Variants in TRIO observed in about 807,000 individuals in gnomAD.
The protein encoded by TRIO is trio Rho guanine nucleotide exchange factor, also known as triple functional domain protein.
TRIO carries 58 observed loss-of-function variants against 351.9 expected under a neutral mutation model. The observed-to-expected ratio is 0.16, with a 90% CI of 0.13 to 0.21. The LOEUF (loss-of-function observed/expected upper bound fraction) is 0.21. TRIO is among the 10% of genes least tolerant of loss of function. The pLI is 1.00. For missense variants in TRIO, 3,201 were observed against 4,027.8 expected, an observed-to-expected ratio of 0.79 and a Z score of 5.56; for synonymous variants, 1,758 against 1,595.7, an observed-to-expected ratio of 1.10 and a Z score of -2.42.
chr5:14,335,022 C>CGTGTGT lies in TRIO; in HGVS notation c.1855-1499_1855-1494dup, dbSNP rs144645388. 6.4e-3 allele frequency among the ~76,000 whole-genome samples: 963 copies of CGTGTGT among 150,586 alleles called. 13 individuals carry two copies. Among genetic ancestry groups the CGTGTGT allele is most frequent in the African/African-American group, 0.022 (913 of 41,148 alleles). ...TGAAAGCTGCTTTTTAGATCTGTCT[C>CGTGTGT]GTGTGTGTGTGTGTGTGTGTACACA... On this transcript the variant is annotated intron_variant, in intron 10 of 56. Transcript: ENST00000344204.
At chr5:14,309,345 T>G (rs1738705503) in intron 8 of TRIO, among the ~76,000 whole-genome samples, 3 of 152,168 alleles carry the variant, frequency 2.0e-5, no homozygotes, top group Non-Finnish European at 4.4e-5. Context: ...GTCTGGGTTC[T>G]CCACCTCCAA....
At chr5:14,168,269 T>C (rs1788894260) in intron 1 of TRIO, among the ~76,000 whole-genome samples, 1 of 152,240 alleles carries the variant, frequency 6.6e-6, no homozygotes, top group South Asian at 2.1e-4. Context: ...ATGCCACGTG[T>C]TTAATTCATG....
In TRIO at chr5:14,178,592, C is replaced by G. The variant is rs528948953; in HGVS notation, c.157+34710C>G. Among the ~76,000 whole-genome samples, 3 of 152,306 alleles carry G rather than the reference C, an allele frequency of 2.0e-5. No individual in the cohort carries two copies. The East Asian group carries it at 5.8e-4, about 29-fold the overall frequency. ...ATTATTCTAGAACAGTAGGGGTAAA[C>G]TGAGACTGTGTCTGTCAAGCTAGGA... On this transcript the variant is annotated intron_variant, in intron 1 of 56. Transcript: ENST00000344204.
rs1019980844 is a variant in TRIO, at chr5:14,460,960, G to A, written c.5204-59G>A. On this transcript the variant is annotated intron_variant, in intron 34 of 56. Coordinates refer to ENST00000344204, the MANE Select transcript of TRIO (RefSeq NM_007118.4). ...CTGCAGCCTGCGGGATAATGGCATG[G>A]TCTTCACACCGGAGGGTCTGTGCGA... is the stretch of plus-strand genomic sequence containing the variant. 8 of 1,454,728 alleles carry A rather than the reference G, an allele frequency of 5.5e-6. No individual in the cohort carries two copies. The African/African-American group carries it at 1.0e-4, about 18-fold the overall frequency. 90.1% of individuals were successfully genotyped at this position (1,454,728 alleles called of 1,614,324 possible).
At chr5:14,492,468 GT>G in intron 48 of TRIO, 98 bp from the exon 49 acceptor site, 1 of 1,534,900 alleles carries the variant, frequency 6.5e-7, no homozygotes, top group Non-Finnish European at 8.8e-7. Flanking sequence ...CCTGCACGGG[GT>G]CATGGTGCCA....
At chr5:14,176,568 C>T (rs1372170364) in intron 1 of TRIO, among the ~76,000 whole-genome samples, 3 of 152,198 alleles carry the variant, frequency 2.0e-5, no homozygotes, top group Admixed American at 6.5e-5. Flanking sequence ...GTCCTCCTAC[C>T]TCAGCCTCCC....
intron 37 of TRIO, among the ~76,000 whole-genome samples, chr5:14,469,820 C>G (rs1011326334): frequency 6.6e-6 from 1 of 152,234 alleles, no homozygotes; most frequent in Non-Finnish European, 1.5e-5. Context: ...TCCCCATGGA[C>G]ACTGATGAAG....
chr5:14,280,172 C>T, intron 2 of TRIO, 150 bp from the exon 3 acceptor site: 1 of 677,790 alleles, frequency 1.5e-6, no homozygotes, highest in Non-Finnish European at 2.6e-6. Flanking sequence ...GATGACATGT[C>T]CTCACTGTGC....
chr5:14,419,534 A>C (rs1459633842), intron 33 of TRIO, among the ~76,000 whole-genome samples: 4 of 152,226 alleles, frequency 2.6e-5, no homozygotes, highest in Non-Finnish European at 5.9e-5. Flanking sequence ...AAGTTAAAAA[A>C]TGAGTGTATA....
chr5:14,389,291 G>A lies in TRIO; in HGVS notation c.3951G>A (p.Thr1317=), dbSNP rs752164149. 36 of 1,606,206 alleles carry A rather than the reference G, an allele frequency of 2.2e-5. No individual in the cohort carries two copies. The highest frequency in any genetic ancestry group is 5.2e-5 in the Admixed American group (3 of 58,148). The change falls in exon 25 of 57, where the codon ACG becomes ACA. Residue 1317 remains threonine (T), a splice_region_variant and synonymous_variant. Transcript: ENST00000344204. Reference sequence around the variant, plus strand: ...ATCCCTGTTTCCCTCTCGGCTAGACGTACCTGTGGGAAATGACCAGTGGCG... The same window carrying A: ...ATCCCTGTTTCCCTCTCGGCTAGACATACCTGTGGGAAATGACCAGTGGCG... The part of the protein sequence containing the change: ...YVRDLRECMD[T]YLWEMTSGVE...
intron 1 of TRIO, among the ~76,000 whole-genome samples, chr5:14,221,350 A>G (rs1328563854): frequency 6.6e-6 from 1 of 152,220 alleles, no homozygotes; most frequent in Non-Finnish European, 1.5e-5. Context: ...TCCGTACTGC[A>G]GCCCATGGAT....
intron 1 of TRIO, among the ~76,000 whole-genome samples, chr5:14,197,325 G>A (rs1010758725): frequency 5.3e-5 from 8 of 152,110 alleles, no homozygotes; most frequent in African/African-American, 1.9e-4. Context: ...CTTATCCCCA[G>A]CTCCGTCCTC....
At chr5:14,481,364 C>G (rs1755499482) in intron 44 of TRIO, 80 bp downstream of exon 44, 2 of 1,580,898 alleles carry the variant, frequency 1.3e-6, no homozygotes, top group Admixed American at 1.7e-5. Context: ...TAACAGTGGT[C>G]TGGCCCTGGG....
At chr5:14,309,988 T>C (rs1265900999) in intron 8 of TRIO, among the ~76,000 whole-genome samples, 1 of 152,210 alleles carries the variant, frequency 6.6e-6, no homozygotes, top group East Asian at 1.9e-4. Flanking sequence ...CGCAAGCACC[T>C]GCTCTGCTGT....
chr5:14,403,815 TTGTGAGGGTGCA>T lies in TRIO; in HGVS notation c.4717-2032_4717-2021del, dbSNP rs1372733682. Among the ~76,000 whole-genome samples, 11 of 77,302 alleles carry T rather than the reference TTGTGAGGGTGCA, an allele frequency of 1.4e-4. 1 individual carries two copies. Among genetic ancestry groups the T allele is most frequent in the Non-Finnish European group, 1.7e-4 (7 of 41,266 alleles). 50.7% of individuals were successfully genotyped at this position (77,302 alleles called of 152,430 possible). On this transcript the variant is annotated intron_variant, in intron 31 of 56. Transcript: ENST00000344204. ...TAGGTTGTGGTGGTGAGGGTGCAGG[TTGTGAGGGTGCA>T]GGTGGTGGTGAGGGTGCAGGTGGTG...
chr5:14,315,839 C>T (rs1029771722), intron 8 of TRIO, among the ~76,000 whole-genome samples: 1 of 152,204 alleles, frequency 6.6e-6, no homozygotes, highest in Non-Finnish European at 1.5e-5. Context: ...AACCCGAATA[C>T]TTTCATTTAA....
chr5:14,400,068 C>T (rs979371428), intron 30 of TRIO, among the ~76,000 whole-genome samples: 1 of 152,178 alleles, frequency 6.6e-6, no homozygotes, highest in Non-Finnish European at 1.5e-5. Context: ...CTGGAATTCA[C>T]AGGTTCCAAA....
At position 14,143,807 on chromosome 5, in the gene TRIO, T is replaced by C. The variant is rs1425763829; in HGVS notation, c.82T>C (p.Cys28Arg). Residue 28 changes from cysteine to arginine, a missense_variant, in exon 1 of 57, where the codon TGC becomes CGC. Cys to Arg is a radical substitution (Grantham distance 180). Coordinates refer to ENST00000344204, the MANE Select transcript of TRIO (RefSeq NM_007118.4). ...AAAASAAGSG[C>R]GGGAGEGAEE... ...GGCGGCCAGCGCGGCTGGCTCGGGC[T>C]GCGGGGGCGGTGCCGGCGAGGGGGC... The C allele has an allele frequency of 3.8e-6, 4 of 1,052,896 alleles. No homozygotes were observed. The highest frequency in any genetic ancestry group is 4.6e-6 in the Non-Finnish European group (4 of 875,686). 65.2% of individuals were successfully genotyped at this position (1,052,896 alleles called of 1,614,324 possible).
intron 43 of TRIO, 63 bp downstream of exon 43, chr5:14,480,074 G>A: frequency 8.7e-6 from 13 of 1,491,588 alleles, no homozygotes; most frequent in African/African-American, 1.4e-5. Flanking sequence ...ATAAGACTCA[G>A]TTGGGGAAAG....
Sources: gnomAD v4.1 joint callset for allele counts (sites outside exome capture counted in the v4.1 genomes callset) on GRCh38, gnomAD v4.1.1 for gene constraint, MANE v1.5 for transcripts, NCBI Gene and HGNC (gene_info 2026-07-23, HGNC 2026-07-21) for gene names.